The following ZNF483 variants were observed in gnomAD, a reference collection of about 807,000 sequenced individuals.
The protein encoded by ZNF483 is zinc finger protein 483, also known as zinc finger protein HIT-10.
A neutral mutation model predicts 28.6 loss-of-function variants in ZNF483; 9 were observed. The ratio of observed to expected loss-of-function variants is 0.32; its 90% CI spans 0.19 to 0.55. The LOEUF is 0.55. Ranked by LOEUF, ZNF483 falls within the 20% of genes least tolerant of loss-of-function variation. ZNF483 has a pLI of 0.93. For missense variants in ZNF483, 675 were observed against 871.7 expected (o/e 0.77, Z 2.84); for synonymous variants, 322 against 306.2 (o/e 1.05, Z -0.54).
At chr9:111,530,133 A>G (rs144226006) in intron 2 of ZNF483, among the ~76,000 whole-genome samples, 18 of 152,286 alleles carry the variant, frequency 1.2e-4, no homozygotes, top group African/African-American at 4.1e-4. Flanking sequence ...CCAACCTGTC[A>G]AAGGGGAGAG....
At chr9:111,541,581 G>T (rs1827670880) in intron 5 of ZNF483, 76 bp from the exon 6 acceptor site, 20 of 1,175,916 alleles carry the variant, frequency 1.7e-5, no homozygotes, top group Non-Finnish European at 2.4e-5. Context: ...TTATTAATGT[G>T]TTCCTATTTC....
downstream of ZNF483, among the ~76,000 whole-genome samples, chr9:111,558,742 G>T (rs1435756069): frequency 1.3e-5 from 2 of 151,998 alleles, no homozygotes; most frequent in Non-Finnish European, 2.9e-5. Flanking sequence ...ATGTACATAT[G>T]ATATATACAC....
rs1356618893 is a variant in ZNF483 at position 111,551,029 on chromosome 9, T to G, written c.*7859T>G. 1.3e-5 allele frequency among the ~76,000 whole-genome samples: 2 copies of G among 152,248 alleles called. No individual in the cohort carries two copies. Among genetic ancestry groups the G allele is most frequent in the Non-Finnish European group, 2.9e-5 (2 of 68,048 alleles). ...GCTGATTGGAAGGTGTTTTAGGTACTTCAGCACCATCCAACAGTAATATAA... is the reference window on the plus strand; with the variant it reads ...GCTGATTGGAAGGTGTTTTAGGTACGTCAGCACCATCCAACAGTAATATAA... On this transcript the variant is annotated 3_prime_UTR_variant, in exon 6 of 6. Coordinates refer to ENST00000309235, the MANE Select transcript of ZNF483 (RefSeq NM_133464.5).
At position 111,547,384 on chromosome 9, in the gene ZNF483, C is replaced by T. The variant is rs1373818537; in HGVS notation, c.*4214C>T. On this transcript the variant is annotated 3_prime_UTR_variant, in exon 6 of 6. Coordinates refer to ENST00000309235, the MANE Select transcript of ZNF483 (RefSeq NM_133464.5). ...TTATTCTAGTTTTGTTTTGCATTTC[C>T]CTAGTGATTAGTGATGTTAACTGTC... 6.6e-6 allele frequency among the ~76,000 whole-genome samples: 1 copy of T among 151,988 alleles called. No homozygotes were observed. Among genetic ancestry groups the T allele is most frequent in the Non-Finnish European group, 1.5e-5 (1 of 67,968 alleles).
intron 3 of ZNF483, among the ~76,000 whole-genome samples, chr9:111,533,236 G>A (rs1180333443): frequency 6.6e-6 from 1 of 152,152 alleles, no homozygotes; most frequent in Non-Finnish European, 1.5e-5. Flanking sequence ...GATAATTCTT[G>A]TACAGTATTT....
At position 111,563,462 on chromosome 9, in the gene ZNF483, T is replaced by C. The variant is rs1236706875; in HGVS notation, c.722-12903T>C. The stretch of plus-strand genomic sequence containing the variant: ...AGAAGAAATAATAGGTGTCGGATCA[T>C]AGTGCGAAATGTCATAAGGCAGTGA... On this transcript the variant is annotated intron_variant, in intron 5 of 5. Transcript: ENST00000358151. The C allele has an allele frequency of 5.0e-5, 20 of 403,992 alleles. No homozygotes were observed. In the East Asian group the frequency reaches 7.1e-4, roughly 14 times the overall value. 25.0% of individuals were successfully genotyped at this position (403,992 alleles called of 1,614,324 possible).
chr9:111,570,570 ACCAG>A (rs1467520520), intron 5 of ZNF483, among the ~76,000 whole-genome samples: 1 of 151,830 alleles, frequency 6.6e-6, no homozygotes, highest in Non-Finnish European at 1.5e-5. Flanking sequence ...GGAGTTCGAG[ACCAG>A]CCTGGCCAAC....
chr9:111,533,648 G>C (rs1019175337), intron 3 of ZNF483, 91 bp from the exon 4 acceptor site: 2 of 1,338,598 alleles, frequency 1.5e-6, no homozygotes, highest in Non-Finnish European at 2.0e-6. Flanking sequence ...TAACACGGGC[G>C]ACAGAGCCAT....
At chr9:111,532,078 G>A (rs1827360817) in intron 3 of ZNF483, among the ~76,000 whole-genome samples, 1 of 152,218 alleles carries the variant, frequency 6.6e-6, no homozygotes, top group Non-Finnish European at 1.5e-5. Flanking sequence ...GGAGGCCGGG[G>A]TGGGAGGATT....
chr9:111,571,005 A>T (rs1378984014), intron 5 of ZNF483, among the ~76,000 whole-genome samples: 12 of 150,664 alleles, frequency 8.0e-5, no homozygotes, highest in Non-Finnish European at 1.5e-4. Flanking sequence ...ATGCCAAGAA[A>T]TACAGGCAGC....
intron 1 of ZNF483, among the ~76,000 whole-genome samples, chr9:111,525,723 TG>T (rs1321311797): frequency 6.6e-6 from 1 of 152,102 alleles, no homozygotes; most frequent in African/African-American, 2.4e-5. Flanking sequence ...GGGCCTCCTA[TG>T]TAAACTCCCT....
At position 111,545,663 on chromosome 9, in the gene ZNF483, G is replaced by C. The variant is rs1048741279; in HGVS notation, c.*2493G>C. Among the ~76,000 whole-genome samples the C allele has an allele frequency of 5.3e-5, 8 of 152,014 alleles. No homozygotes were observed. Among genetic ancestry groups the C allele is most frequent in the African/African-American group, 1.7e-4 (7 of 41,384 alleles). On this transcript the variant is annotated 3_prime_UTR_variant, in exon 6 of 6. Coordinates refer to ENST00000309235, the MANE Select transcript of ZNF483 (RefSeq NM_133464.5). The stretch of plus-strand genomic sequence containing the variant: ...TTTCTGTACATTTTATGTTATATGT[G>C]ATCTTTCTGTGTTTTTTTCATTAAT...
exon 6 of ZNF483, chr9:111,577,689 A>G (rs1829119597): frequency 6.6e-6 from 1 of 152,108 alleles, no homozygotes; most frequent in Admixed American, 6.6e-5. Context: ...TACTAAAAAT[A>G]TAAAAATTAG....
rs1419326038 is a variant in ZNF483 at position 111,543,496 on chromosome 9, C to T, written c.*326C>T. ...GATGGAGAGAACTTGACTGCAGTCA[C>T]ATAACTTGGATTCTGTCCCAGTTTG... On this transcript the variant is annotated 3_prime_UTR_variant, in exon 6 of 6. Coordinates refer to ENST00000309235, the MANE Select transcript of ZNF483 (RefSeq NM_133464.5). 9.6e-7 allele frequency: 1 copy of T among 1,038,052 alleles called. No individual in the cohort carries two copies. Among genetic ancestry groups the T allele is most frequent in the Non-Finnish European group, 1.2e-6 (1 of 864,514 alleles). The allele number at this position is 1,038,052 out of a possible 1,614,324, so 64.3% of individuals were successfully genotyped here.
At chr9:111,557,570 C>T (rs927819675), downstream of ZNF483, among the ~76,000 whole-genome samples, 2 of 151,854 alleles carry the variant, frequency 1.3e-5, no homozygotes, top group African/African-American at 2.4e-5. Context: ...CTCAGCCTCC[C>T]GAGTGGCTGT....
At chr9:111,561,106 T>TAGAGAGAGAGAGAGAGAG (rs1240649497) in intron 5 of ZNF483, among the ~76,000 whole-genome samples, 1 of 23,176 alleles carries the variant, frequency 4.3e-5, no homozygotes, top group Non-Finnish European at 7.7e-5. Context: ...TATATATATA[T>TAGAGAGAGAGAGAGAGAG]ATATAGAGAG....
intron 3 of ZNF483, among the ~76,000 whole-genome samples, chr9:111,533,080 A>G (rs1554812257): frequency 6.6e-6 from 1 of 152,230 alleles, no homozygotes; most frequent in Non-Finnish European, 1.5e-5. Context: ...GTAGTTGCAG[A>G]TATTATTGTA....
chr9:111,574,913 A>C, intron 5 of ZNF483: 1 of 1,257,590 alleles, frequency 8.0e-7, no homozygotes, highest in South Asian at 1.3e-5. Context: ...ATTAAGTCAC[A>C]AGCATTATTT....
Position 111,575,676 on chromosome 9 carries a change from G to A in ZNF483, c.722-689G>A, listed in dbSNP as rs185996312. The stretch of plus-strand genomic sequence containing the variant: ...AAATAGTCCTTTCAATAAACGTGCC[G>A]AACAACTGGATTTCCACATGGAAAA... On this transcript the variant is annotated intron_variant, in intron 5 of 5. Coordinates refer to the ZNF483 transcript ENST00000358151. 2.1e-3 allele frequency among the ~76,000 whole-genome samples: 315 copies of A among 152,274 alleles called. 1 individual carries two copies. The highest frequency in any genetic ancestry group is 3.7e-3 in the Non-Finnish European group (252 of 68,018).
Sources: allele counts gnomAD v4.1 joint callset (sites outside exome capture counted in the v4.1 genomes callset), GRCh38; gene constraint gnomAD v4.1.1; transcripts MANE v1.5; gene names NCBI Gene and HGNC (gene_info 2026-07-23, HGNC 2026-07-21).